The following SLC25A26 variants were observed in gnomAD, a reference collection of about 807,000 sequenced individuals.
SLC25A26 encodes solute carrier family 25 member 26, also known as mitochondrial S-adenosylmethionine carrier protein.
SLC25A26 carries 36 observed loss-of-function variants against 37.8 expected under a neutral mutation model. The observed-to-expected ratio is 0.95, with a 90% CI of 0.73 to 1.26. The LOEUF (loss-of-function observed/expected upper bound fraction) is 1.26. SLC25A26 is among the 50% of genes most tolerant of loss of function. SLC25A26 has a pLI of 0.00. For synonymous variants in SLC25A26, 129 were observed against 122.5 expected (o/e 1.05, Z -0.35); for missense variants, 390 against 331.1 (o/e 1.18, Z -1.38).
At chr3:66,148,299 G>A (rs2070149408) in intron 1 of SLC25A26, among the ~76,000 whole-genome samples, 1 of 152,168 alleles carries the variant, frequency 6.6e-6, no homozygotes, top group African/African-American at 2.4e-5. Context: ...AGAGAAGTGA[G>A]CAGGGTTAAG....
chr3:66,209,898 T>TATATATATA (rs2071256377), intron 1 of SLC25A26, among the ~76,000 whole-genome samples: 18 of 38,610 alleles, frequency 4.7e-4, no homozygotes, highest in East Asian at 6.3e-4. Flanking sequence ...CTCTCTCTAT[T>TATATATATA]TATATATATA....
At chr3:66,238,122 G>C (rs1412458719) in intron 2 of SLC25A26, among the ~76,000 whole-genome samples, 1 of 152,116 alleles carries the variant, frequency 6.6e-6, no homozygotes, top group Non-Finnish European at 1.5e-5. Context: ...TACGTGAGAG[G>C]GGCATGGGTT....
rs1296599992 is a variant in SLC25A26 at position 66,293,579 on chromosome 3, C to G, written c.453+30200C>G. Among the ~76,000 whole-genome samples the G allele has an allele frequency of 5.9e-5, 9 of 151,938 alleles. No homozygotes were observed. The East Asian group carries it at 1.7e-3, about 29-fold the overall frequency. On this transcript the variant is annotated intron_variant, in intron 5 of 9. Coordinates refer to ENST00000354883, the MANE Select transcript of SLC25A26 (RefSeq NM_001379210.1). ...CGATAGGCTGCAGTGTCTCTTATTC[C>G]CCTCCGTGGATCTATGTGTTCTCAT...
At chr3:66,346,303 C>T in intron 5 of SLC25A26, 61 bp from the exon 6 acceptor site, 3 of 800,532 alleles carry the variant, frequency 3.7e-6, no homozygotes, top group Non-Finnish European at 6.0e-6. Context: ...CTCGTATAGT[C>T]ATACAGGCAA....
intron 5 of SLC25A26, among the ~76,000 whole-genome samples, chr3:66,316,490 A>G (rs781544188): frequency 1.3e-5 from 2 of 152,138 alleles, no homozygotes; most frequent in Non-Finnish European, 2.9e-5. Context: ...GTCTGCTCTT[A>G]GTCTAATGGG....
intron 1 of SLC25A26, among the ~76,000 whole-genome samples, chr3:66,158,629 T>C (rs1487503217): frequency 1.3e-5 from 2 of 152,140 alleles, no homozygotes; most frequent in African/African-American, 4.8e-5. Flanking sequence ...GTCCCTCTTT[T>C]TGGTTATGGG....
In SLC25A26 at chr3:66,371,031, C is replaced by T. The variant is rs80128592; in HGVS notation, c.707+429C>T. Among the ~76,000 whole-genome samples the T allele has an allele frequency of 5.3e-5, 8 of 152,330 alleles. No homozygotes were observed. In the East Asian group the frequency reaches 1.3e-3, roughly 26 times the overall value. ...CCATAGTGCAGGTGGGATGACTCCA[C>T]TATTAGCATCAATTGAGAACCATTG... is the stretch of plus-strand genomic sequence containing the variant. On this transcript the variant is annotated intron_variant, in intron 9 of 9. Transcript: ENST00000354883.
intron 5 of SLC25A26, among the ~76,000 whole-genome samples, chr3:66,324,949 T>G (rs897017297): frequency 2.0e-5 from 3 of 152,224 alleles, no homozygotes; most frequent in African/African-American, 7.2e-5. Context: ...GATTTGATGG[T>G]GTATATATGT....
chr3:66,179,551 C>T (rs974083104), intron 1 of SLC25A26, among the ~76,000 whole-genome samples: 1 of 152,158 alleles, frequency 6.6e-6, no homozygotes, highest in Non-Finnish European at 1.5e-5. Flanking sequence ...TTCACAGTCA[C>T]ATAGATAAGG....
At chr3:66,300,075 AAGCTTGCTGTGTC>A (rs1370476609) in intron 5 of SLC25A26, among the ~76,000 whole-genome samples, 4 of 152,102 alleles carry the variant, frequency 2.6e-5, no homozygotes, top group Admixed American at 2.0e-4. Flanking sequence ...AAAGTCTTTG[AAGCTTGCTGTGTC>A]AGCCCTTTTC....
At chr3:66,137,179 C>T (rs2106657101) in intron 1 of SLC25A26, among the ~76,000 whole-genome samples, 1 of 151,604 alleles carries the variant, frequency 6.6e-6, no homozygotes, top group South Asian at 2.1e-4. Flanking sequence ...AACAGACCTT[C>T]ACCAAACACC....
chr3:66,237,996 T>C (rs782496441), intron 2 of SLC25A26, among the ~76,000 whole-genome samples: 13 of 152,226 alleles, frequency 8.5e-5, no homozygotes, highest in Non-Finnish European at 1.8e-4. Context: ...CCCCCAGCCA[T>C]CATTAGAATG....
intron 1 of SLC25A26, among the ~76,000 whole-genome samples, chr3:66,176,499 T>A (rs2070588605): frequency 6.6e-6 from 1 of 152,188 alleles, no homozygotes; most frequent in Non-Finnish European, 1.5e-5. Flanking sequence ...AAAATACATT[T>A]GAACCTTATT....
At chr3:66,312,675 G>A (rs1365468007) in intron 5 of SLC25A26, among the ~76,000 whole-genome samples, 1 of 152,172 alleles carries the variant, frequency 6.6e-6, no homozygotes, top group Non-Finnish European at 1.5e-5. Flanking sequence ...CGAAGACTGT[G>A]GGAAAAGCAT....
chr3:66,236,476 A>G, intron 1 of SLC25A26, 68 bp from the exon 2 acceptor site: 1 of 1,288,698 alleles, frequency 7.8e-7, no homozygotes, highest in Middle Eastern at 2.1e-4. Flanking sequence ...CTTCGCCCCC[A>G]AGTGGCCGAG....
rs190959787 is a variant in SLC25A26 at position 66,299,956 on chromosome 3, T to G, written c.453+36577T>G. On this transcript the variant is annotated intron_variant, in intron 5 of 9. Transcript: ENST00000354883. ...AAAAATAATAGTATTTAATATTTAA[T>G]AAACTACCAGGCTTTTGAGCCATCT... is the stretch of plus-strand genomic sequence containing the variant. Among the ~76,000 whole-genome samples, 352 of 152,338 alleles carry G rather than the reference T, an allele frequency of 2.3e-3. 2 individuals are homozygous for G. Among genetic ancestry groups the G allele is most frequent in the African/African-American group, 8.0e-3 (331 of 41,578 alleles).
At chr3:66,205,367 GTAGC>G (rs2071163037) in intron 1 of SLC25A26, among the ~76,000 whole-genome samples, 1 of 152,172 alleles carries the variant, frequency 6.6e-6, no homozygotes, top group Non-Finnish European at 1.5e-5. Flanking sequence ...ACTCATAGGT[GTAGC>G]TATTGTTCCA....
At chr3:66,350,684 C>G (rs1193126712) in intron 6 of SLC25A26, among the ~76,000 whole-genome samples, 1 of 144,638 alleles carries the variant, frequency 6.9e-6, no homozygotes, top group East Asian at 2.1e-4. Flanking sequence ...CAGCTTCTGC[C>G]CTATACTCTG....
In SLC25A26 at chr3:66,226,324, T is replaced by C. The variant is rs1157471923; in HGVS notation, c.33+5197T>C. Among the ~76,000 whole-genome samples, 6 of 152,148 alleles carry C rather than the reference T, an allele frequency of 3.9e-5. No individual in the cohort carries two copies. The East Asian group carries it at 5.8e-4, about 15-fold the overall frequency. On this transcript the variant is annotated intron_variant, in intron 1 of 9. Transcript: ENST00000354883. Reference sequence around the variant, plus strand: ...AGATCATCAGATCTTGTGAGACTTATTCACTATCACCAGAACAGAATGGGA... The same window carrying C: ...AGATCATCAGATCTTGTGAGACTTACTCACTATCACCAGAACAGAATGGGA...
Sources: allele counts gnomAD v4.1 joint callset (sites outside exome capture counted in the v4.1 genomes callset), GRCh38; gene constraint gnomAD v4.1.1; transcripts MANE v1.5; gene names NCBI Gene and HGNC (gene_info 2026-07-23, HGNC 2026-07-21).